The following CAND1 variants were observed in gnomAD, a reference collection of about 807,000 sequenced individuals.
CAND1 encodes cullin associated and neddylation dissociated 1, also known as cullin-associated NEDD8-dissociated protein 1.
CAND1 carries 7 observed loss-of-function variants against 108.5 expected under a neutral mutation model. The observed-to-expected ratio is 0.06, with a 90% confidence interval of 0.04 to 0.12. The LOEUF (loss-of-function observed/expected upper bound fraction) is 0.12. Among genes scored for constraint, CAND1 ranks in the 10% least tolerant of loss-of-function variants. The pLI, the probability that CAND1 is intolerant of heterozygous loss-of-function variation, is 1.00. For missense variants in CAND1, 941 were observed against 1,448.7 expected (o/e 0.65, Z 5.69); for synonymous variants, 534 against 512.0 (o/e 1.04, Z -0.58).
rs754030557 is a variant in CAND1, at chr12:67,292,613, G to A, written c.213-9G>A. 6.3e-7 allele frequency: 1 copy of A among 1,582,944 alleles called. No homozygotes were observed. Among genetic ancestry groups the A allele is most frequent in the African/African-American group, 1.4e-5 (1 of 73,088 alleles). ...GCTTTTTTTAAACAATTTCTTCTTT[G>A]TATTACAGTCTTGGTCCTTTAGTGA... On this transcript the variant is annotated splice_polypyrimidine_tract_variant and intron_variant, in intron 2 of 14. Transcript: ENST00000545606.
At chr12:67,312,045 A>G (rs2044956053) in intron 14 of CAND1, among the ~76,000 whole-genome samples, 1 of 152,186 alleles carries the variant, frequency 6.6e-6, no homozygotes, top group African/African-American at 2.4e-5. Flanking sequence ...TATTTGAAGT[A>G]CTGATATGGG....
Position 67,310,349 on chromosome 12 carries a change from T to C in CAND1, c.3360+33T>C, listed in dbSNP as rs1345870369. On this transcript the variant is annotated intron_variant, in intron 13 of 14. Transcript: ENST00000545606. ...GTTTGTGCCTATTTATACAATGTTT[T>C]AGAAGAAGACTTTGCTAGAGCAACT... 21 of 1,500,120 alleles carry C rather than the reference T, an allele frequency of 1.4e-5. No homozygotes were observed. The East Asian group carries it at 4.8e-4, about 34-fold the overall frequency. 92.9% of individuals were successfully genotyped at this position (1,500,120 alleles called of 1,614,324 possible).
intron 13 of CAND1, chr12:67,311,379 A>G (rs1401280155): frequency 6.6e-6 from 1 of 152,104 alleles, no homozygotes; most frequent in Non-Finnish European, 1.5e-5. Context: ...AGCTTTAAAA[A>G]ATAAAAATAA....
intron 1 of CAND1, among the ~76,000 whole-genome samples, chr12:67,275,703 A>G (rs2044562631): frequency 6.6e-6 from 1 of 152,154 alleles, no homozygotes; most frequent in Non-Finnish European, 1.5e-5. Context: ...AATTGTGTTT[A>G]TGTATGATGG....
intron 7 of CAND1, among the ~76,000 whole-genome samples, chr12:67,299,492 A>G (rs1350950102): frequency 2.0e-5 from 3 of 152,162 alleles, no homozygotes; most frequent in Non-Finnish European, 4.4e-5. Context: ...CAAATTTTCT[A>G]CAAAGCATTT....
intron 1 of CAND1, among the ~76,000 whole-genome samples, chr12:67,278,936 A>G (rs370521590): frequency 5.3e-5 from 8 of 152,230 alleles, no homozygotes; most frequent in East Asian, 1.9e-4. Flanking sequence ...CTAGACTGCA[A>G]TGTAAGCTCC....
At chr12:67,288,169 T>G (rs1168917107) in intron 2 of CAND1, among the ~76,000 whole-genome samples, 6 of 150,972 alleles carry the variant, frequency 4.0e-5, no homozygotes, top group Non-Finnish European at 8.9e-5. Context: ...CTCCAGTCTG[T>G]CACCCAGGCT....
chr12:67,292,915 G>A, intron 3 of CAND1, 139 bp downstream of exon 3: 1 of 710,768 alleles, frequency 1.4e-6, no homozygotes, highest in Non-Finnish European at 2.4e-6. Flanking sequence ...GGACAATTAA[G>A]AAAATTAAAG....
chr12:67,288,977 CACCTTACCTTGAAAT>C (rs2044697895), intron 2 of CAND1, among the ~76,000 whole-genome samples: 2 of 152,196 alleles, frequency 1.3e-5, no homozygotes, highest in Admixed American at 1.3e-4. Context: ...TCTGGTAATA[CACCTTACCTTGAAAT>C]ATATTTTCTC....
At chr12:67,270,429 A>G (rs2044509611) in intron 1 of CAND1, 1 of 152,288 alleles carries the variant, frequency 6.6e-6, no homozygotes, top group South Asian at 2.1e-4. Flanking sequence ...CATCACTGTC[A>G]GTTCCTCTTG....
chr12:67,309,595 A>G (rs1472913468), intron 11 of CAND1, among the ~76,000 whole-genome samples: 12 of 152,020 alleles, frequency 7.9e-5, no homozygotes, highest in Admixed American at 7.2e-4. Flanking sequence ...TGTCTCTGTC[A>G]TATCTTATAT....
intron 7 of CAND1, among the ~76,000 whole-genome samples, 174 bp downstream of exon 7, chr12:67,299,269 G>C (rs2044800423): frequency 6.6e-6 from 1 of 152,194 alleles, no homozygotes; most frequent in African/African-American, 2.4e-5. Flanking sequence ...GTATTGAACT[G>C]TTATGCAACA....
chr12:67,294,612 A>G (rs1445596497), intron 3 of CAND1, among the ~76,000 whole-genome samples: 4 of 152,228 alleles, frequency 2.6e-5, no homozygotes, highest in Admixed American at 2.6e-4. Flanking sequence ...ATAGTTATCT[A>G]TCTACTATTA....
chr12:67,294,192 C>T (rs940564569), intron 3 of CAND1, among the ~76,000 whole-genome samples: 3 of 151,942 alleles, frequency 2.0e-5, no homozygotes, highest in Non-Finnish European at 4.4e-5. Flanking sequence ...AGCCAATTTC[C>T]GGTTCTTACA....
chr12:67,305,248 G>C lies in CAND1; in HGVS notation c.1580G>C (p.Cys527Ser), dbSNP rs749469585. ...VQALVPPVVA[C>S]VGDPFYKITS... is the part of the protein sequence containing the mutation. ...GCTTTGGTTCCTCCAGTGGTGGCTT[G>C]TGTTGGAGACCCATTTTACAAAATT... The change falls in exon 10 of 15, where the codon TGT (cysteine) becomes TCT (serine). Residue 527 changes from cysteine to serine, a missense_variant. This residue lies in a region of CAND1 where 697 missense variants were observed against 942.0 expected (regional missense o/e 0.74). Coordinates refer to ENST00000545606, the MANE Select transcript of CAND1 (RefSeq NM_018448.5). The surrounding 1 kb of genome is among the most constrained non-coding windows in gnomAD (Gnocchi z 4.4). The C allele has an allele frequency of 6.2e-7, 1 of 1,614,130 alleles. No homozygotes were observed.
At chr12:67,299,753 G>C (rs1253826958) in intron 7 of CAND1, among the ~76,000 whole-genome samples, 1 of 152,094 alleles carries the variant, frequency 6.6e-6, no homozygotes, top group Non-Finnish European at 1.5e-5. Flanking sequence ...GGACATAGGG[G>C]TTGCTCATGT....
At chr12:67,270,712 T>G (rs924904257) in intron 1 of CAND1, 1 of 151,634 alleles carries the variant, frequency 6.6e-6, no homozygotes, top group South Asian at 2.1e-4. Flanking sequence ...CTTGCACGCT[T>G]CGGTGATTGT....
rs1309353977 is a variant in CAND1, at chr12:67,306,202, T to C, written c.2534T>C (p.Val845Ala). The C allele has an allele frequency of 1.2e-6, 2 of 1,614,024 alleles. No homozygotes were observed. Among genetic ancestry groups the C allele is most frequent in the Admixed American group, 1.7e-5 (1 of 59,998 alleles). Residue 845 changes from valine to alanine, a missense_variant, in exon 10 of 15, where the codon GTT becomes GCT. By Grantham distance (64) the Val-to-Ala change is moderately conservative. Transcript: ENST00000545606. ...RLLALLSLGE[V>A]GHHIDLSGQL... The stretch of plus-strand genomic sequence containing the variant: ...TTAGCTCTACTTTCTCTTGGAGAAG[T>C]TGGGCATCATATTGACTTAAGTGGA...
In CAND1 at chr12:67,306,578, T is replaced by C; in HGVS notation, c.2910T>C (p.Leu970=). The C allele has an allele frequency of 6.2e-7, 1 of 1,607,882 alleles. No homozygotes were observed. The highest frequency in any genetic ancestry group is 8.5e-7 in the Non-Finnish European group (1 of 1,177,156). ...LIDPETLLPR[L]KGYLISGSSY... ...ATCCAGAAACTCTCCTTCCACGGCT[T>C]AAGGGGTACTTGATATCAGGTAGGT... Residue 970 remains leucine, a synonymous_variant, in exon 10 of 15, where the codon CTT becomes CTC. Transcript: ENST00000545606.
Sources: allele counts gnomAD v4.1 joint callset (sites outside exome capture counted in the v4.1 genomes callset), GRCh38; gene constraint gnomAD v4.1.1; regional missense constraint gnomAD v4.1.1; non-coding constraint Gnocchi (gnomAD v3.1); transcripts MANE v1.5; gene names NCBI Gene and HGNC (gene_info 2026-07-23, HGNC 2026-07-21).